The following GAB1 variants were observed in gnomAD, a reference collection of about 807,000 sequenced individuals.
GAB1 encodes the protein GRB2 associated binding protein 1, also known as GRB2-associated-binding protein 1.
GAB1 carries 19 observed loss-of-function variants against 66.5 expected under a neutral mutation model. The ratio of observed to expected loss-of-function variants is 0.29; its 90% CI spans 0.20 to 0.42. The LOEUF (loss-of-function observed/expected upper bound fraction) is 0.42, where lower values mean the gene tolerates loss of function less well. GAB1 is among the 10% of genes least tolerant of loss of function. The pLI is 1.00. For missense variants in GAB1, 732 were observed against 858.5 expected, an observed-to-expected ratio of 0.85 and a Z score of 1.84; for synonymous variants, 294 against 301.4, an observed-to-expected ratio of 0.98 and a Z score of 0.25.
chr4:143,362,264 T>A (rs1729692505), intron 1 of GAB1, among the ~76,000 whole-genome samples: 1 of 152,086 alleles, frequency 6.6e-6, no homozygotes, highest in South Asian at 2.1e-4. Context: ...GAACCCATAG[T>A]TTCTCAGTAT....
intron 1 of GAB1, among the ~76,000 whole-genome samples, chr4:143,362,110 G>A (rs963160758): frequency 6.6e-6 from 1 of 151,756 alleles, no homozygotes; most frequent in East Asian, 1.9e-4. Flanking sequence ...AAGTTCAGAT[G>A]CTGGGTAACC....
chr4:143,457,794 G>T, intron 6 of GAB1: 1 of 1,162,974 alleles, frequency 8.6e-7, no homozygotes, highest in East Asian at 2.5e-5. Flanking sequence ...ACCGCATGCT[G>T]TATGGGGCAT....
At chr4:143,398,196 A>C (rs976753802) in intron 1 of GAB1, among the ~76,000 whole-genome samples, 2 of 152,374 alleles carry the variant, frequency 1.3e-5, no homozygotes, top group African/African-American at 4.8e-5. Flanking sequence ...GTCATGAATC[A>C]TTGGAAGCTC....
At position 143,415,610 on chromosome 4, in the gene GAB1, A is replaced by G; in HGVS notation, c.206A>G (p.Asp69Gly). ...GATTTAAATTTATGTCAACAAGTAG[A>G]TGCTGGATTGACATTTAACAAAAAA... is the stretch of plus-strand genomic sequence containing the variant. ...IIDLNLCQQV[D>G]AGLTFNKKEF... is the part of the protein sequence containing the mutation. Residue 69 changes from aspartate (D) to glycine (G), a missense_variant, in exon 2 of 10, where the codon GAT becomes GGT. Asp to Gly is a moderately conservative substitution (Grantham distance 94). Around this residue, in one of 4 missense-constraint regions of GAB1, gnomAD observed 66 missense variants for 130.3 expected, o/e 0.51. Transcript: ENST00000262994. 2 of 1,613,880 alleles carry G rather than the reference A, an allele frequency of 1.2e-6. No individual in the cohort carries two copies. Among genetic ancestry groups the G allele is most frequent in the Middle Eastern group, 1.6e-4 (1 of 6,062 alleles).
chr4:143,466,319 A>G (rs1468203883), intron 9 of GAB1, 94 bp downstream of exon 9: 6 of 1,260,554 alleles, frequency 4.8e-6, no homozygotes, highest in African/African-American at 1.5e-5. Flanking sequence ...TTATTAAGTT[A>G]TGTTTAATAT....
At chr4:143,356,080 C>T (rs545532388) in intron 1 of GAB1, among the ~76,000 whole-genome samples, 2 of 151,660 alleles carry the variant, frequency 1.3e-5, no homozygotes, top group Non-Finnish European at 2.9e-5. Flanking sequence ...TGGGTCGGGG[C>T]CGGGGGGAGA....
rs148032060 is a variant in GAB1, at chr4:143,343,652, A to G, written c.72+6392A>G. 187 of 154,988 alleles carry G rather than the reference A, an allele frequency of 1.2e-3. 2 individuals carry two copies. Among genetic ancestry groups the G allele is most frequent in the African/African-American group, 3.8e-3 (160 of 41,650 alleles). 9.6% of individuals were successfully genotyped at this position (154,988 alleles called of 1,614,324 possible). ...GAGCTATGATATATGATTAGTTGCC[A>G]AATGAAAGTTTAGAGTGAGAACAGG... On this transcript the variant is annotated intron_variant, in intron 1 of 9. Coordinates refer to ENST00000262994, the MANE Select transcript of GAB1 (RefSeq NM_002039.4).
intron 2 of GAB1, among the ~76,000 whole-genome samples, chr4:143,422,385 G>A (rs1056597082): frequency 3.9e-5 from 6 of 152,108 alleles, no homozygotes; most frequent in Admixed American, 3.9e-4. Context: ...GAAAATAAAT[G>A]TATTTGGTCT....
intron 1 of GAB1, among the ~76,000 whole-genome samples, chr4:143,377,645 C>T (rs2149673184): frequency 6.6e-6 from 1 of 152,290 alleles, no homozygotes; most frequent in East Asian, 1.9e-4. Context: ...ATAGTCCTGG[C>T]AGATAAGAGC....
chr4:143,394,354 G>A (rs1731334740), intron 1 of GAB1, among the ~76,000 whole-genome samples: 1 of 152,162 alleles, frequency 6.6e-6, no homozygotes, highest in Non-Finnish European at 1.5e-5. Context: ...GGTTTTTCAA[G>A]GAAGTCCAGT....
intron 1 of GAB1, among the ~76,000 whole-genome samples, chr4:143,351,158 GA>G (rs1729198604): frequency 6.6e-6 from 1 of 152,218 alleles, no homozygotes; most frequent in Non-Finnish European, 1.5e-5. Flanking sequence ...AGTTCAGTTA[GA>G]CCCCCTCCCT....
chr4:143,345,010 G>A (rs1002469179), intron 1 of GAB1, among the ~76,000 whole-genome samples: 1 of 152,212 alleles, frequency 6.6e-6, no homozygotes, highest in Admixed American at 6.5e-5. Context: ...TAGCTGCCAA[G>A]CCCTGTCCTG....
chr4:143,423,406 G>A (rs902075924), intron 2 of GAB1, among the ~76,000 whole-genome samples: 4 of 152,028 alleles, frequency 2.6e-5, no homozygotes, highest in Non-Finnish European at 5.9e-5. Flanking sequence ...TTAGAAGTGT[G>A]TAAGTCTTCA....
intron 2 of GAB1, among the ~76,000 whole-genome samples, chr4:143,419,293 G>A (rs905056005): frequency 6.6e-6 from 1 of 151,978 alleles, no homozygotes; most frequent in Admixed American, 6.6e-5. Context: ...TGCTCATAGA[G>A]CTTACAGTCA....
At chr4:143,424,928 C>T (rs904229022) in intron 2 of GAB1, 2 of 555,318 alleles carry the variant, frequency 3.6e-6, no homozygotes, top group Admixed American at 3.0e-5. Flanking sequence ...GCACTCCAGC[C>T]TGGTGGCAGA....
intron 1 of GAB1, among the ~76,000 whole-genome samples, chr4:143,355,641 CA>C: frequency 6.6e-6 from 1 of 152,236 alleles, no homozygotes; most frequent in Middle Eastern, 3.4e-3. Context: ...TGCTCCTTCA[CA>C]GTAGTAGGAA....
At chr4:143,466,748 C>G (rs944472350) in intron 9 of GAB1, among the ~76,000 whole-genome samples, 1 of 152,032 alleles carries the variant, frequency 6.6e-6, no homozygotes, top group Non-Finnish European at 1.5e-5. Context: ...CCTCAGCCCT[C>G]CAAAAGTGCT....
chr4:143,371,017 A>G (rs181318525), intron 1 of GAB1, among the ~76,000 whole-genome samples: 2 of 152,330 alleles, frequency 1.3e-5, no homozygotes, highest in East Asian at 1.9e-4. Context: ...ATATGTCCGC[A>G]TGTGTCTTTA....
chr4:143,400,694 G>A (rs1384733497), intron 1 of GAB1, among the ~76,000 whole-genome samples: 3 of 152,046 alleles, frequency 2.0e-5, no homozygotes, highest in Non-Finnish European at 2.9e-5. Flanking sequence ...TTGGCTGGGC[G>A]CGATGGCTCA....
Sources: gnomAD v4.1 joint callset for allele counts (sites outside exome capture counted in the v4.1 genomes callset) on GRCh38, gnomAD v4.1.1 for gene constraint, gnomAD v4.1.1 regional missense constraint, MANE v1.5 for transcripts, NCBI Gene and HGNC (gene_info 2026-07-23, HGNC 2026-07-21) for gene names.